The following CSGALNACT1 variants were observed in gnomAD, a reference collection of about 807,000 sequenced individuals.
CSGALNACT1 encodes beta4GalNAcT-1.
A neutral mutation model predicts 51.0 loss-of-function variants in CSGALNACT1; 52 were observed. The observed-to-expected ratio is 1.02, with a 90% CI of 0.82 to 1.29. The LOEUF is 1.29. Among genes scored for constraint, CSGALNACT1 ranks in the 50% most tolerant of loss-of-function variants. The probability of loss-of-function intolerance (pLI) is 0.00; values close to 1 mark genes in which losing one functional copy is unlikely to be tolerated. For missense variants in CSGALNACT1, 935 were observed against 679.2 expected, an observed-to-expected ratio of 1.38 and a Z score of -4.19; for synonymous variants, 341 against 254.4, an observed-to-expected ratio of 1.34 and a Z score of -3.24.
chr8:19,416,662 T>G (rs1256873086), intron 8 of CSGALNACT1, among the ~76,000 whole-genome samples: 1 of 152,220 alleles, frequency 6.6e-6, no homozygotes, highest in African/African-American at 2.4e-5. Context: ...TTCAATTGCC[T>G]GTAGTATTCA....
chr8:19,627,060 C>T (rs1004602414), intron 1 of CSGALNACT1, among the ~76,000 whole-genome samples: 6 of 152,154 alleles, frequency 3.9e-5, no homozygotes, highest in Non-Finnish European at 5.9e-5. Flanking sequence ...GGGTATTTAT[C>T]CTCAAGAAAT....
chr8:19,447,651 G>T (rs962860443), intron 5 of CSGALNACT1, among the ~76,000 whole-genome samples: 16 of 152,212 alleles, frequency 1.1e-4, no homozygotes, highest in African/African-American at 3.4e-4. Context: ...GACCTTGCCA[G>T]ATGTCCCAGA....
At chr8:19,533,449 T>C (rs76657621) in intron 3 of CSGALNACT1, among the ~76,000 whole-genome samples, 9,090 of 152,144 alleles carry the variant, frequency 0.06, 848 homozygotes, top group African/African-American at 0.2. Flanking sequence ...TAATTTAATT[T>C]CCCTATTTTT....
At chr8:19,590,542 G>A (rs544558939) in intron 3 of CSGALNACT1, among the ~76,000 whole-genome samples, 1 of 151,190 alleles carries the variant, frequency 6.6e-6, no homozygotes, top group Admixed American at 6.6e-5. Flanking sequence ...GGTTGAGAAT[G>A]AGATCAAACT....
chr8:19,515,690 A>G (rs960938528), intron 3 of CSGALNACT1, among the ~76,000 whole-genome samples: 1 of 152,184 alleles, frequency 6.6e-6, no homozygotes, highest in East Asian at 1.9e-4. Context: ...CAAGCACCAA[A>G]AGGTCAAGAA....
intron 4 of CSGALNACT1, among the ~76,000 whole-genome samples, chr8:19,485,671 T>C (rs1034822529): frequency 1.3e-5 from 2 of 150,226 alleles, no homozygotes; most frequent in Non-Finnish European, 3.0e-5. Flanking sequence ...GCTTCCTCCA[T>C]TCCCTTTTAC....
intron 1 of CSGALNACT1, among the ~76,000 whole-genome samples, chr8:19,720,137 T>G (rs2063035589): frequency 6.6e-6 from 1 of 152,242 alleles, no homozygotes; most frequent in African/African-American, 2.4e-5. Context: ...GAAGAGCCAC[T>G]GTGCCAGTCT....
intron 1 of CSGALNACT1, among the ~76,000 whole-genome samples, chr8:19,750,187 C>T (rs954191504): frequency 1.3e-5 from 2 of 152,204 alleles, no homozygotes; most frequent in Non-Finnish European, 2.9e-5. Flanking sequence ...GTACCCAAAC[C>T]TTATTCTACA....
chr8:19,471,877 C>T (rs533189291), intron 4 of CSGALNACT1, among the ~76,000 whole-genome samples: 88 of 152,280 alleles, frequency 5.8e-4, no homozygotes, highest in African/African-American at 2.1e-3. Context: ...GGAAACTGGG[C>T]CTCTGCACTT....
At chr8:19,446,407 C>A (rs1176104762) in intron 5 of CSGALNACT1, among the ~76,000 whole-genome samples, 1 of 152,104 alleles carries the variant, frequency 6.6e-6, no homozygotes, top group Non-Finnish European at 1.5e-5. Flanking sequence ...TAAGATCCCT[C>A]CAGGGAGCTC....
chr8:19,561,102 G>C (rs2040605979), intron 3 of CSGALNACT1, among the ~76,000 whole-genome samples: 1 of 152,112 alleles, frequency 6.6e-6, no homozygotes, highest in Non-Finnish European at 1.5e-5. Context: ...ATTATCAAAA[G>C]AGTGGTGAGA....
At chr8:19,617,506 T>C (rs566186165) in intron 1 of CSGALNACT1, among the ~76,000 whole-genome samples, 2 of 152,326 alleles carry the variant, frequency 1.3e-5, no homozygotes, top group South Asian at 4.1e-4. Flanking sequence ...TCTCCAAACA[T>C]ATATTACTTT....
At chr8:19,756,074 T>G (rs896923874) in intron 1 of CSGALNACT1, among the ~76,000 whole-genome samples, 1 of 152,164 alleles carries the variant, frequency 6.6e-6, no homozygotes, top group African/African-American at 2.4e-5. Context: ...TATTTCCAAG[T>G]TTGAAGGACC....
chr8:19,733,684 C>G (rs1472863041), intron 1 of CSGALNACT1, among the ~76,000 whole-genome samples: 1 of 152,190 alleles, frequency 6.6e-6, no homozygotes, highest in East Asian at 1.9e-4. Context: ...ATTATGCATG[C>G]TTTTCTCTTT....
intron 1 of CSGALNACT1, among the ~76,000 whole-genome samples, chr8:19,620,124 C>G (rs1028341340): frequency 6.6e-6 from 1 of 151,850 alleles, no homozygotes; most frequent in South Asian, 2.1e-4. Flanking sequence ...ACCAACCTGG[C>G]CAATGTGGGG....
At chr8:19,689,966 T>C (rs888933969) in intron 1 of CSGALNACT1, among the ~76,000 whole-genome samples, 1 of 152,236 alleles carries the variant, frequency 6.6e-6, no homozygotes, top group African/African-American at 2.4e-5. Flanking sequence ...GTCCCTTTTC[T>C]GCATCTTTAG....
upstream of CSGALNACT1, chr8:19,602,783 C>G (rs1206737307): frequency 6.6e-6 from 1 of 152,028 alleles, no homozygotes; most frequent in Non-Finnish European, 1.5e-5. Context: ...AAGCAAAATA[C>G]TCTGGAATGA....
chr8:19,524,334 C>T (rs7002464), intron 3 of CSGALNACT1, among the ~76,000 whole-genome samples: 59,329 of 151,938 alleles, frequency 0.39, 12,255 homozygotes, highest in African/African-American at 0.53. Context: ...TTCCCACCAT[C>T]CCCACTCCAA....
intron 8 of CSGALNACT1, among the ~76,000 whole-genome samples, chr8:19,417,290 T>C (rs955851818): frequency 2.0e-5 from 3 of 152,202 alleles, no homozygotes; most frequent in Non-Finnish European, 4.4e-5. Flanking sequence ...AACTGTATTA[T>C]TAGTAAACCT....
Sources: gnomAD v4.1 joint callset for allele counts (sites outside exome capture counted in the v4.1 genomes callset) on GRCh38, gnomAD v4.1.1 for gene constraint, MANE v1.5 for transcripts, NCBI Gene and HGNC (gene_info 2026-07-23, HGNC 2026-07-21) for gene names.